DARS1: variants seen among roughly 807,000 people sequenced by gnomAD.
DARS1 encodes aspartate--tRNA ligase, cytoplasmic.
In DARS1, 51 loss-of-function variants were observed where a neutral mutation model predicts 68.8. That is an observed-to-expected ratio of 0.74 (90% CI 0.59 to 0.94). The LOEUF (loss-of-function observed/expected upper bound fraction) is 0.94, where lower values mean the gene tolerates loss of function less well. DARS1 is among the 40% of genes least tolerant of loss of function. The pLI, the probability that DARS1 is intolerant of heterozygous loss-of-function variation, is 0.00. For missense variants in DARS1, 607 were observed against 597.3 expected (o/e 1.02, Z -0.17); for synonymous variants, 203 against 190.4 (o/e 1.07, Z -0.55).
At chr2:135,947,280 G>A (rs1181076755) in intron 4 of DARS1, among the ~76,000 whole-genome samples, 1 of 151,550 alleles carries the variant, frequency 6.6e-6, no homozygotes, top group Non-Finnish European at 1.5e-5. Flanking sequence ...TGGTGGCGTG[G>A]CCCTGTAGCC....
At chr2:135,957,348 C>G (rs893924819) in intron 4 of DARS1, among the ~76,000 whole-genome samples, 1 of 151,902 alleles carries the variant, frequency 6.6e-6, no homozygotes, top group African/African-American at 2.4e-5. Context: ...CTGCCTCAGC[C>G]TCCCGAGTAG....
intron 3 of DARS1, among the ~76,000 whole-genome samples, chr2:135,963,749 G>A (rs897376340): frequency 5.4e-5 from 8 of 149,468 alleles, no homozygotes; most frequent in Admixed American, 2.0e-4. Context: ...GCATAATCTC[G>A]GCTCACTGCA....
At position 135,916,273 on chromosome 2, in the gene DARS1, A is replaced by T. The variant is rs1156463891; in HGVS notation, c.1059T>A (p.Ala353=). Residue 353 remains alanine (A), a synonymous_variant, in exon 11 of 16, where the codon GCT becomes GCA. Coordinates refer to ENST00000264161, the MANE Select transcript of DARS1 (RefSeq NM_001349.4). ...TLRLEYCEAL[A]MLREAGVEMG... ...TTTCGACTCCAGCTTCCCTAAGCAT[A>T]GCCAATGCTTCACAATATTCTAGTC... 5 of 1,576,128 alleles carry T rather than the reference A, an allele frequency of 3.2e-6. No homozygotes were observed. The highest frequency in any genetic ancestry group is 4.4e-6 in the Non-Finnish European group (5 of 1,145,236).
chr2:135,947,407 C>T (rs1160569563), intron 4 of DARS1, among the ~76,000 whole-genome samples: 1 of 122,106 alleles, frequency 8.2e-6, no homozygotes, highest in Non-Finnish European at 1.7e-5. Context: ...GACTCCATCT[C>T]AGAAAAAAAA....
At chr2:135,912,691 T>C (rs1444354465) in intron 12 of DARS1, 125 bp from the exon 13 acceptor site, 2 of 440,900 alleles carry the variant, frequency 4.5e-6, no homozygotes, top group Admixed American at 4.3e-5. Flanking sequence ...GTATATACAA[T>C]GAATATCTTG....
intron 15 of DARS1, among the ~76,000 whole-genome samples, chr2:135,910,002 C>T (rs554638652): frequency 2.6e-5 from 4 of 152,274 alleles, no homozygotes; most frequent in Middle Eastern, 3.4e-3. Context: ...ATCAGACACA[C>T]TTCTGGTCCC....
At chr2:135,926,034 G>A (rs1280672210) in intron 7 of DARS1, among the ~76,000 whole-genome samples, 1 of 152,094 alleles carries the variant, frequency 6.6e-6, no homozygotes, top group African/African-American at 2.4e-5. Context: ...AGGATTATAG[G>A]TGCCCGTCAC....
At chr2:135,907,632 T>C (rs570992131) in intron 15 of DARS1, among the ~76,000 whole-genome samples, 2 of 152,288 alleles carry the variant, frequency 1.3e-5, no homozygotes, top group African/African-American at 4.8e-5. Flanking sequence ...TTGAGTGGTA[T>C]GGAGTCTAAA....
chr2:135,920,216 TG>T (rs1681086554), intron 10 of DARS1, among the ~76,000 whole-genome samples: 1 of 152,210 alleles, frequency 6.6e-6, no homozygotes, highest in African/African-American at 2.4e-5. Context: ...GTTCACAATG[TG>T]GTAAATTTAC....
intron 3 of DARS1, among the ~76,000 whole-genome samples, chr2:135,971,640 GA>G: frequency 6.6e-6 from 1 of 152,116 alleles, no homozygotes; most frequent in Non-Finnish European, 1.5e-5. Flanking sequence ...TGGAAAGGAA[GA>G]AGTAAAATTA....
At chr2:135,911,600 C>T in intron 13 of DARS1, 107 bp from the exon 14 acceptor site, 1 of 649,418 alleles carries the variant, frequency 1.5e-6, no homozygotes, top group Non-Finnish European at 2.8e-6. Context: ...TTTTTTCCTA[C>T]AATTAACAAT....
chr2:135,972,520 A>C (rs1362291509), intron 3 of DARS1, among the ~76,000 whole-genome samples: 1 of 152,146 alleles, frequency 6.6e-6, no homozygotes, highest in Admixed American at 6.5e-5. Context: ...TCTGGGCAAA[A>C]ATTTCTTGAG....
chr2:135,960,250 C>T (rs1682071479), intron 4 of DARS1, among the ~76,000 whole-genome samples: 1 of 152,164 alleles, frequency 6.6e-6, no homozygotes, highest in Admixed American at 6.5e-5. Flanking sequence ...TAAAATACTA[C>T]TGATCTCATC....
intron 5 of DARS1, among the ~76,000 whole-genome samples, chr2:135,940,893 G>A (rs1681580837): frequency 6.6e-6 from 1 of 152,116 alleles, no homozygotes; most frequent in South Asian, 2.1e-4. Flanking sequence ...CAAATCATGA[G>A]TGAACTCCCA....
At chr2:135,931,417 T>G (rs965689608) in intron 7 of DARS1, among the ~76,000 whole-genome samples, 1 of 152,124 alleles carries the variant, frequency 6.6e-6, no homozygotes, top group African/African-American at 2.4e-5. Context: ...TTAAATTTTT[T>G]AAGGAGACAG....
At chr2:135,929,704 A>G (rs558773308) in intron 7 of DARS1, among the ~76,000 whole-genome samples, 4 of 152,294 alleles carry the variant, frequency 2.6e-5, no homozygotes, top group African/African-American at 7.2e-5. Flanking sequence ...AAGAGTTGAG[A>G]TTTTAATTTT....
At chr2:135,971,390 T>C (rs927185228) in intron 3 of DARS1, among the ~76,000 whole-genome samples, 1 of 151,920 alleles carries the variant, frequency 6.6e-6, no homozygotes, top group Non-Finnish European at 1.5e-5. Flanking sequence ...AAAGTTCAAA[T>C]CCCTTCATGA....
rs750136312 is a variant in DARS1 at position 135,943,405 on chromosome 2, C to G, written c.396G>C (p.Gln132His). The G allele has an allele frequency of 6.2e-7, 1 of 1,613,494 alleles. No individual in the cohort carries two copies. The highest frequency in any genetic ancestry group is 8.5e-7 in the Non-Finnish European group (1 of 1,179,748). Reference protein sequence around the residue: ...KVNQKIGSCTQQDVELHVQKI... With the variant: ...KVNQKIGSCTHQDVELHVQKI... ...TCTGAACATGTAACTCAACGTCTTG[C>G]TGTGTACAGCTTCCAATTTTCTGAT... The change falls in exon 5 of 16, where the codon CAG becomes CAC. Residue 132 changes from glutamine to histidine, a missense_variant. Physicochemically the swap from Gln to His is conservative, Grantham distance 24 (BLOSUM62 0). Transcript: ENST00000264161.
At chr2:135,979,619 C>T (rs1682578350) in intron 2 of DARS1, among the ~76,000 whole-genome samples, 1 of 152,206 alleles carries the variant, frequency 6.6e-6, no homozygotes, top group African/African-American at 2.4e-5. Flanking sequence ...CCATACTAAA[C>T]CAAGCTATTG....
Sources: gnomAD v4.1 joint callset for allele counts (sites outside exome capture counted in the v4.1 genomes callset) on GRCh38, gnomAD v4.1.1 for gene constraint, MANE v1.5 for transcripts, NCBI Gene and HGNC (gene_info 2026-07-23, HGNC 2026-07-21) for gene names.